Variants in CSNK1G1 observed in about 807,000 individuals in gnomAD.
CSNK1G1 encodes the protein casein kinase 1 gamma 1.
In CSNK1G1, 22 loss-of-function variants were observed where a neutral mutation model predicts 59.6. The observed-to-expected ratio is 0.37, with a 90% CI of 0.26 to 0.53. The LOEUF (loss-of-function observed/expected upper bound fraction) is 0.53. CSNK1G1 is among the 20% of genes least tolerant of loss of function. The pLI is 0.89. For missense variants in CSNK1G1, 384 were observed against 519.5 expected, an observed-to-expected ratio of 0.74 and a Z score of 2.54; for synonymous variants, 179 against 177.1, an observed-to-expected ratio of 1.01 and a Z score of -0.08.
At chr15:64,197,222 G>GT (rs1596078142) in intron 10 of CSNK1G1, among the ~76,000 whole-genome samples, 1 of 152,204 alleles carries the variant, frequency 6.6e-6, no homozygotes, top group East Asian at 1.9e-4. Context: ...TCCTTCTACT[G>GT]TAAGTATGAG....
intron 4 of CSNK1G1, among the ~76,000 whole-genome samples, chr15:64,219,868 A>C (rs943751908): frequency 1.4e-5 from 2 of 141,672 alleles, no homozygotes; most frequent in African/African-American, 5.4e-5. Flanking sequence ...CCACCTCCTG[A>C]GTTCAAGTGA....
chr15:64,220,383 C>T (rs753788461), intron 4 of CSNK1G1, among the ~76,000 whole-genome samples: 7 of 152,138 alleles, frequency 4.6e-5, no homozygotes, highest in Non-Finnish European at 7.4e-5. Flanking sequence ...GCATGAGCCA[C>T]CATGCCTGGC....
chr15:64,240,098 G>A (rs540683205), intron 4 of CSNK1G1, among the ~76,000 whole-genome samples: 9 of 152,270 alleles, frequency 5.9e-5, no homozygotes, highest in African/African-American at 1.9e-4. Context: ...GCCAGGCATA[G>A]TGGTGTATGC....
intron 1 of CSNK1G1, among the ~76,000 whole-genome samples, chr15:64,324,418 G>C (rs1228842104): frequency 1.3e-5 from 2 of 152,212 alleles, no homozygotes; most frequent in Non-Finnish European, 2.9e-5. Context: ...GAAGACAAAA[G>C]AGCAGCCTTG....
At chr15:64,252,043 T>C (rs1055700252) in intron 3 of CSNK1G1, among the ~76,000 whole-genome samples, 1 of 151,968 alleles carries the variant, frequency 6.6e-6, no homozygotes, top group Non-Finnish European at 1.5e-5. Context: ...TCATCTGTGA[T>C]CCTGTCACTT....
chr15:64,212,756 A>C (rs1022316922), intron 6 of CSNK1G1, among the ~76,000 whole-genome samples: 1 of 152,158 alleles, frequency 6.6e-6, no homozygotes, highest in Non-Finnish European at 1.5e-5. Flanking sequence ...CTGTAATCCC[A>C]GCACTTTGGG....
chr15:64,199,732 A>G (rs2082083532), intron 10 of CSNK1G1, among the ~76,000 whole-genome samples: 1 of 152,272 alleles, frequency 6.6e-6, no homozygotes, highest in African/African-American at 2.4e-5. Flanking sequence ...GTGCGCCTGC[A>G]GTCCCAGCTA....
chr15:64,323,224 G>C (rs1163719339), intron 1 of CSNK1G1, among the ~76,000 whole-genome samples: 1 of 152,112 alleles, frequency 6.6e-6, no homozygotes, highest in African/African-American at 2.4e-5. Flanking sequence ...AGCACAACCA[G>C]CCTCCTCTTG....
At chr15:64,263,976 C>T (rs1373492635) in intron 2 of CSNK1G1, among the ~76,000 whole-genome samples, 5 of 151,980 alleles carry the variant, frequency 3.3e-5, no homozygotes, top group African/African-American at 1.2e-4. Flanking sequence ...AGGACAGTAA[C>T]GTTTAATTCA....
At chr15:64,320,169 G>A (rs1896483573) in intron 1 of CSNK1G1, among the ~76,000 whole-genome samples, 1 of 152,006 alleles carries the variant, frequency 6.6e-6, no homozygotes, top group Non-Finnish European at 1.5e-5. Flanking sequence ...TGGGATTACA[G>A]GAGTGAGCCA....
chr15:64,319,555 T>A (rs1459312156), intron 1 of CSNK1G1, among the ~76,000 whole-genome samples: 3 of 152,198 alleles, frequency 2.0e-5, no homozygotes, highest in African/African-American at 7.2e-5. Flanking sequence ...ATTTGTTTTG[T>A]TTTGTTTTGA....
intron 1 of CSNK1G1, among the ~76,000 whole-genome samples, chr15:64,327,672 G>T (rs1384010315): frequency 1.3e-5 from 2 of 152,018 alleles, no homozygotes; most frequent in Admixed American, 6.6e-5. Flanking sequence ...AAGCTGTATG[G>T]AGAATGATTT....
At chr15:64,192,633 C>T (rs990224499) in intron 10 of CSNK1G1, among the ~76,000 whole-genome samples, 7 of 151,716 alleles carry the variant, frequency 4.6e-5, no homozygotes, top group Admixed American at 1.3e-4. Flanking sequence ...CTGAGGGGGG[C>T]GGATCACCTA....
chr15:64,181,506 A>T (rs777801807), intron 10 of CSNK1G1: 9 of 1,322,232 alleles, frequency 6.8e-6, no homozygotes, highest in African/African-American at 1.5e-5. Context: ...ACTTCCATCT[A>T]TTTGAGATTG....
chr15:64,254,222 T>C lies in CSNK1G1; in HGVS notation c.223-2641A>G, dbSNP rs72756960. ...AGACAGAATGGTGGTTGCCAAGGGGTTGGGGGGAGGGGAGAATGAGGAGTT... is the reference window on the plus strand; with the variant it reads ...AGACAGAATGGTGGTTGCCAAGGGGCTGGGGGGAGGGGAGAATGAGGAGTT... On this transcript the variant is annotated intron_variant, in intron 3 of 11. Coordinates refer to ENST00000303052, the MANE Select transcript of CSNK1G1 (RefSeq NM_022048.5). Among the ~76,000 whole-genome samples, 328 of 151,016 alleles carry C rather than the reference T, an allele frequency of 2.2e-3. 4 individuals carry two copies. Among genetic ancestry groups the C allele is most frequent in the Admixed American group, 0.012 (176 of 15,142 alleles).
rs567824213 is a variant in CSNK1G1 at position 64,300,475 on chromosome 15, C to T, written c.25G>A (p.Asp9Asn). The change falls in exon 2 of 12, where the codon GAT becomes AAT. Residue 9 changes from aspartate (D) to asparagine (N), a missense_variant. Coordinates refer to ENST00000303052, the MANE Select transcript of CSNK1G1 (RefSeq NM_022048.5). MDHPSREK[D>N]ERQRTTKPMA... ...GGTTTAGTTGTCCGTTGTCTTTCAT[C>T]CTTTTCCCTACTAGGATGGTCCATG... The T allele has an allele frequency of 1.9e-6, 3 of 1,614,180 alleles. No homozygotes were observed. Among genetic ancestry groups the T allele is most frequent in the South Asian group, 1.1e-5 (1 of 91,082 alleles).
chr15:64,227,221 T>C (rs1238526184), intron 4 of CSNK1G1, among the ~76,000 whole-genome samples: 1 of 152,210 alleles, frequency 6.6e-6, no homozygotes, highest in Non-Finnish European at 1.5e-5. Context: ...ACTAACACAA[T>C]TGATTTTTCT....
intron 7 of CSNK1G1, among the ~76,000 whole-genome samples, chr15:64,205,354 G>A (rs1050786209): frequency 6.6e-6 from 1 of 152,140 alleles, no homozygotes; most frequent in African/African-American, 2.4e-5. Flanking sequence ...TCCAGGTGGG[G>A]GAAACAGATA....
chr15:64,201,639 C>T (rs1234871448), intron 10 of CSNK1G1, among the ~76,000 whole-genome samples: 2 of 151,808 alleles, frequency 1.3e-5, no homozygotes, highest in Non-Finnish European at 2.9e-5. Flanking sequence ...CCCACCAAAC[C>T]ACATATTTTG....
Sources: allele counts gnomAD v4.1 joint callset (sites outside exome capture counted in the v4.1 genomes callset), GRCh38; gene constraint gnomAD v4.1.1; transcripts MANE v1.5; gene names NCBI Gene and HGNC (gene_info 2026-07-23, HGNC 2026-07-21).